SMARCE1: variants seen among roughly 807,000 people sequenced by gnomAD.
The protein encoded by SMARCE1 is SWI/SNF related BAF chromatin remodeling complex subunit E1, also known as SWI/SNF-related matrix-associated actin-dependent regulator of chromatin subfamily E member 1.
In SMARCE1, 13 loss-of-function variants were observed where a neutral mutation model predicts 54.9. The observed-to-expected ratio is 0.24, with a 90% CI of 0.15 to 0.38. The LOEUF is 0.38. Ranked by LOEUF, SMARCE1 falls within the 10% of genes least tolerant of loss-of-function variation. The pLI is 1.00. For synonymous variants in SMARCE1, 151 were observed against 175.3 expected, an observed-to-expected ratio of 0.86 and a Z score of 1.10; for missense variants, 295 against 523.8, an observed-to-expected ratio of 0.56 and a Z score of 4.26.
At chr17:40,636,981 A>C (rs909517876) in intron 5 of SMARCE1, 2 of 158,724 alleles carry the variant, frequency 1.3e-5, no homozygotes, top group African/African-American at 4.8e-5. Flanking sequence ...CCTTTTAATA[A>C]AGATATTGGC....
rs988180333 is a variant in SMARCE1, at chr17:40,625,206, A to G, written c.*3579T>C. 1.3e-5 allele frequency: 2 copies of G among 152,254 alleles called. No homozygotes were observed. Among genetic ancestry groups the G allele is most frequent in the Non-Finnish European group, 1.5e-5 (1 of 68,040 alleles). The allele number at this position is 152,254 out of a possible 1,614,324, so 9.4% of individuals were successfully genotyped here. On this transcript the variant is annotated 3_prime_UTR_variant, in exon 11 of 11. Coordinates refer to ENST00000348513, the MANE Select transcript of SMARCE1 (RefSeq NM_003079.5). ...TAGTAAAACATTTATAAACAATTGT[A>G]TCATTACAAATACATTTAGACATCG...
At chr17:40,632,617 G>A in intron 7 of SMARCE1, 1 of 407,820 alleles carries the variant, frequency 2.5e-6, no homozygotes, top group South Asian at 5.1e-5. Flanking sequence ...GAAGGATTTG[G>A]CTAAAACATA....
rs767835921 is a variant in SMARCE1 at position 40,628,808 on chromosome 17, G to C, written c.1213C>G (p.Pro405Ala). The C allele has an allele frequency of 8.7e-6, 14 of 1,613,020 alleles. No individual in the cohort carries two copies. The highest frequency in any genetic ancestry group is 1.2e-5 in the Non-Finnish European group (14 of 1,179,226). ...ACTTATTCTTTTTTCTCATCTTCTGGTATGGGATCTGTTGGTGGCTCCTCC... is the reference window on the plus strand; with the variant it reads ...ACTTATTCTTTTTTCTCATCTTCTGCTATGGGATCTGTTGGTGGCTCCTCC... ...TVEEPPTDPI[P>A]EDEKKE Residue 405 changes from proline (P) to alanine (A), a missense_variant, in exon 11 of 11, where the codon CCA (proline) becomes GCA (alanine). Physicochemically the swap from Pro to Ala is conservative, Grantham distance 27. Transcript: ENST00000348513.
chr17:40,639,519 T>C (rs1369407726), intron 4 of SMARCE1, among the ~76,000 whole-genome samples: 1 of 152,174 alleles, frequency 6.6e-6, no homozygotes, highest in East Asian at 1.9e-4. Flanking sequence ...CTCTTTGATA[T>C]TTTTCAAAGA....
chr17:40,629,525 T>TAAAA (rs2037069281), intron 10 of SMARCE1: 29 of 1,226,792 alleles, frequency 2.4e-5, no homozygotes, highest in Non-Finnish European at 2.8e-5. Flanking sequence ...TAATATAAGG[T>TAAAA]TGGTCTTTTA....
rs1057518166 is a variant in SMARCE1 at position 40,631,657 on chromosome 17, G to A, written c.751C>T (p.Arg251Ter). 1 of 1,610,758 alleles carries A rather than the reference G, an allele frequency of 6.2e-7. No homozygotes were observed. The highest frequency in any genetic ancestry group is 8.5e-7 in the Non-Finnish European group (1 of 1,177,410). Residue 251 changes from arginine (R) to a stop codon, truncating the protein, a stop_gained, in exon 9 of 11, where the codon CGA (arginine) becomes TGA (stop). Coordinates refer to ENST00000348513, the MANE Select transcript of SMARCE1 (RefSeq NM_003079.5). LOFTEE classifies it high-confidence loss of function. ...AATTTCCTCTTCTTCTCCTGGTGTC[G>A]TTCCTCTATTTGAAGAAGTTCAGCT... is the stretch of plus-strand genomic sequence containing the variant. ...LEAELLQIEE[R>*]HQEKKRKFLE...
In SMARCE1 at chr17:40,632,252, G is replaced by A. The variant is rs1423245581; in HGVS notation, c.657C>T (p.Val219=). 1.9e-6 allele frequency: 3 copies of A among 1,613,880 alleles called. No homozygotes were observed. The Admixed American group carries it at 5.0e-5, about 27-fold the overall frequency. ...TGAGGACCTGCATTCTAGCTGTTGT[G>A]ACAACTGACCGAACGTCTGGCACCA... is the stretch of plus-strand genomic sequence containing the variant. The part of the protein sequence containing the change: ...ESVVPDVRSV[V]TTARMQVLKR... The change falls in exon 8 of 11, where the codon GTC becomes GTT. Residue 219 remains valine (V), a synonymous_variant. Transcript: ENST00000348513.
At position 40,628,802 on chromosome 17, in the gene SMARCE1, C is replaced by A. The variant is rs139178605; in HGVS notation, c.1219G>T (p.Asp407Tyr). The change falls in exon 11 of 11, where the codon GAT (aspartate) becomes TAT (tyrosine). Residue 407 changes from aspartate to tyrosine, a missense_variant. By Grantham distance (160) the Asp-to-Tyr change is radical. Around this residue, in one of 5 missense-constraint regions of SMARCE1, gnomAD observed 147 missense variants for 161.4 expected, o/e 0.91. Coordinates refer to ENST00000348513, the MANE Select transcript of SMARCE1 (RefSeq NM_003079.5). Reference sequence around the variant, plus strand: ...GGCAACACTTATTCTTTTTTCTCATCTTCTGGTATGGGATCTGTTGGTGGC... The same window carrying A: ...GGCAACACTTATTCTTTTTTCTCATATTCTGGTATGGGATCTGTTGGTGGC... ...EEPPTDPIPE[D>Y]EKKE The A allele has an allele frequency of 1.2e-6, 2 of 1,612,596 alleles. No individual in the cohort carries two copies. The highest frequency in any genetic ancestry group is 2.7e-5 in the African/African-American group (2 of 74,848).
rs971555683 is a variant in SMARCE1, at chr17:40,626,662, A to C, written c.*2123T>G. On this transcript the variant is annotated 3_prime_UTR_variant, in exon 11 of 11. Coordinates refer to ENST00000348513, the MANE Select transcript of SMARCE1 (RefSeq NM_003079.5). ...TGAGGCAGGCGGATCACCTGAGGTC[A>C]CGAGTTCAAGATCAGCCTGGCTAAC... The C allele has an allele frequency of 6.6e-6, 1 of 152,244 alleles. No homozygotes were observed. The highest frequency in any genetic ancestry group is 1.9e-4 in the East Asian group (1 of 5,194). The allele number at this position is 152,244 out of a possible 1,614,324, so 9.4% of individuals were successfully genotyped here.
chr17:40,637,987 A>T (rs2037162167), intron 4 of SMARCE1, among the ~76,000 whole-genome samples: 1 of 152,098 alleles, frequency 6.6e-6, no homozygotes. Context: ...TACCATTCTC[A>T]CACTGTCTAC....
chr17:40,644,009 G>A (rs2037224888), intron 3 of SMARCE1: 1 of 154,800 alleles, frequency 6.5e-6, no homozygotes, highest in Admixed American at 6.4e-5. Context: ...GGTGGTAGAA[G>A]TAATGGAAAG....
At chr17:40,632,500 G>A in intron 7 of SMARCE1, 133 bp from the exon 8 acceptor site, 2 of 672,912 alleles carry the variant, frequency 3.0e-6, no homozygotes, top group South Asian at 3.9e-5. Flanking sequence ...AGCGTCATGG[G>A]AGCACTGGGG....
chr17:40,630,375 A>G, intron 10 of SMARCE1: 1 of 692,574 alleles, frequency 1.4e-6, no homozygotes, highest in Non-Finnish European at 2.6e-6. Flanking sequence ...TTATCCCCAA[A>G]GCAGCCACAG....
chr17:40,647,504 C>T (rs2037272340), intron 1 of SMARCE1: 1 of 152,330 alleles, frequency 6.6e-6, no homozygotes, highest in Non-Finnish European at 1.5e-5. Flanking sequence ...GGAGAATGTA[C>T]TTTACTAGCA....
intron 4 of SMARCE1, chr17:40,641,254 T>C (rs902710384): frequency 1.1e-4 from 16 of 152,232 alleles, no homozygotes; most frequent in Non-Finnish European, 1.6e-4. Context: ...AAAACATGTA[T>C]TGATGCACAT....
rs2037044585 is a variant in SMARCE1, at chr17:40,627,212, T to C, written c.*1573A>G. 1.3e-5 allele frequency: 2 copies of C among 152,210 alleles called. No homozygotes were observed. The highest frequency in any genetic ancestry group is 4.1e-4 in the South Asian group (2 of 4,828). The allele number at this position is 152,210 out of a possible 1,614,324, so 9.4% of individuals were successfully genotyped here. ...GTTCTTTGACACACAAGGAAACAGA[T>C]GTCAAGAGTTGTTTCCACCCAGTAT... On this transcript the variant is annotated 3_prime_UTR_variant, in exon 11 of 11. Transcript: ENST00000348513.
rs139113819 is a variant in SMARCE1, at chr17:40,637,797, C to A, written c.157-225G>T. The A allele has an allele frequency of 2.0e-4, 106 of 523,864 alleles. 1 individual carries two copies. Among genetic ancestry groups the A allele is most frequent in the African/African-American group, 1.6e-3 (86 of 52,226 alleles). 32.5% of individuals were successfully genotyped at this position (523,864 alleles called of 1,614,324 possible). On this transcript the variant is annotated intron_variant, in intron 4 of 10. Coordinates refer to ENST00000348513, the MANE Select transcript of SMARCE1 (RefSeq NM_003079.5). ...TAGCAGTTTATTGCCAATGCTTTGA[C>A]AACCTGGCTGCAAGAACAAATAAAA... is the stretch of plus-strand genomic sequence containing the variant.
At chr17:40,638,458 T>G (rs929783146) in intron 4 of SMARCE1, among the ~76,000 whole-genome samples, 12 of 151,426 alleles carry the variant, frequency 7.9e-5, no homozygotes, top group Non-Finnish European at 1.5e-5. Context: ...AAAGCAAAAA[T>G]AGGTGAAAGA....
chr17:40,629,123 C>T (rs540399169), intron 10 of SMARCE1, 130 bp from the exon 11 acceptor site: 3 of 693,204 alleles, frequency 4.3e-6, no homozygotes, highest in Non-Finnish European at 7.3e-6. Context: ...CTGAAATGAA[C>T]CAGTGTGACT....
Sources: allele counts gnomAD v4.1 joint callset (sites outside exome capture counted in the v4.1 genomes callset), GRCh38; gene constraint gnomAD v4.1.1; regional missense constraint gnomAD v4.1.1; transcripts MANE v1.5; gene names NCBI Gene and HGNC (gene_info 2026-07-23, HGNC 2026-07-21).